RANBP3L: variants seen among roughly 807,000 people sequenced by gnomAD.
RANBP3L encodes the protein RAN binding protein 3 like.
In RANBP3L, 56 loss-of-function variants were observed where a neutral mutation model predicts 67.2. The ratio of observed to expected loss-of-function variants is 0.83; its 90% CI spans 0.67 to 1.04. The LOEUF is 1.04. Ranked by LOEUF, RANBP3L falls within the 50% of genes least tolerant of loss-of-function variation. RANBP3L has a pLI of 0.00. For missense variants in RANBP3L, 496 were observed against 535.5 expected (o/e 0.93, Z 0.73); for synonymous variants, 164 against 181.4 (o/e 0.90, Z 0.77).
chr5:36,250,146 A>T (rs532921082), intron 13 of RANBP3L, among the ~76,000 whole-genome samples: 1 of 152,110 alleles, frequency 6.6e-6, no homozygotes, highest in South Asian at 2.1e-4. Context: ...TTAGTGAGAG[A>T]ATTTGCTATT....
chr5:36,268,764 G>C (rs7715317), intron 4 of RANBP3L, among the ~76,000 whole-genome samples: 144,146 of 151,746 alleles, frequency 0.95, 68,788 homozygotes, highest in Non-Finnish European at 0.99. Flanking sequence ...CCTGGAGTGC[G>C]GTGGAGCAAT....
intron 4 of RANBP3L, among the ~76,000 whole-genome samples, 161 bp from the exon 5 acceptor site, chr5:36,265,681 T>C (rs1749716889): frequency 6.6e-6 from 1 of 151,930 alleles, no homozygotes; most frequent in Non-Finnish European, 1.5e-5. Context: ...CTGCGAAAAA[T>C]GGGATTGCCA....
chr5:36,292,507 T>A (rs1751867941), intron 1 of RANBP3L, among the ~76,000 whole-genome samples: 1 of 152,188 alleles, frequency 6.6e-6, no homozygotes, highest in Admixed American at 6.5e-5. Flanking sequence ...ATGTCTAGGT[T>A]TTCTCCTAGG....
intron 1 of RANBP3L, among the ~76,000 whole-genome samples, chr5:36,286,633 G>T (rs2112061389): frequency 6.6e-6 from 1 of 152,268 alleles, no homozygotes; most frequent in African/African-American, 2.4e-5. Flanking sequence ...GTTTTAATAA[G>T]CTATCCAGGT....
chr5:36,277,866 G>A (rs919008193), intron 1 of RANBP3L, among the ~76,000 whole-genome samples: 2 of 152,094 alleles, frequency 1.3e-5, no homozygotes, highest in African/African-American at 4.8e-5. Flanking sequence ...TGGCTGAGGA[G>A]GCCTCACAAT....
At chr5:36,294,742 A>G (rs1464515736) in intron 1 of RANBP3L, among the ~76,000 whole-genome samples, 1 of 150,160 alleles carries the variant, frequency 6.7e-6, no homozygotes, top group Non-Finnish European at 1.5e-5. Context: ...GGTTTTATAT[A>G]TATATATATG....
chr5:36,267,507 CA>C (rs1326176266), intron 4 of RANBP3L, among the ~76,000 whole-genome samples: 26 of 149,648 alleles, frequency 1.7e-4, no homozygotes, highest in East Asian at 4.0e-4. Context: ...GACTCCGTCT[CA>C]AAAAAAAAAA....
chr5:36,301,427 G>A lies in RANBP3L; in HGVS notation c.-11C>T. On this transcript the variant is annotated 5_prime_UTR_variant, in exon 1 of 14. Transcript: ENST00000296604. ...TGGTATGGTAGTCATGGTCCTAGCA[G>A]TATGGCTGTGACTCAAGGATCACTA... is the stretch of plus-strand genomic sequence containing the variant. 1 of 1,609,592 alleles carries A rather than the reference G, an allele frequency of 6.2e-7. No individual in the cohort carries two copies. The highest frequency in any genetic ancestry group is 8.5e-7 in the Non-Finnish European group (1 of 1,177,078).
intron 11 of RANBP3L, 59 bp downstream of exon 11, chr5:36,255,411 A>G (rs982010801): frequency 1.2e-5 from 18 of 1,533,746 alleles, no homozygotes; most frequent in Non-Finnish European, 1.6e-5. Flanking sequence ...CTATATTATT[A>G]TAAGTACACA....
At chr5:36,273,505 G>A (rs538084877) in intron 1 of RANBP3L, among the ~76,000 whole-genome samples, 8 of 152,192 alleles carry the variant, frequency 5.3e-5, no homozygotes, top group African/African-American at 1.2e-4. Context: ...TAGTGGCAGC[G>A]GAGCCACCTT....
At chr5:36,277,138 T>C (rs1750628854) in intron 1 of RANBP3L, among the ~76,000 whole-genome samples, 1 of 152,210 alleles carries the variant, frequency 6.6e-6, no homozygotes, top group Non-Finnish European at 1.5e-5. Context: ...ACTTGAACTG[T>C]AGCCCTGGCA....
chr5:36,265,220 T>C (rs1260946115), intron 5 of RANBP3L, 122 bp from the exon 6 acceptor site: 2 of 715,560 alleles, frequency 2.8e-6, no homozygotes, highest in Non-Finnish European at 4.3e-6. Flanking sequence ...TAGCGTTAAT[T>C]AATCCAAGTC....
At position 36,269,361 on chromosome 5, in the gene RANBP3L, G is replaced by A. The variant is rs766500397; in HGVS notation, c.268+29C>T. ...TTGCATTCAGAATAAACATAACAGTGAATAGTCAACAGTCAAGGCTATACA... is the reference window on the plus strand; with the variant it reads ...TTGCATTCAGAATAAACATAACAGTAAATAGTCAACAGTCAAGGCTATACA... On this transcript the variant is annotated intron_variant, in intron 4 of 13. Coordinates refer to ENST00000296604, the MANE Select transcript of RANBP3L (RefSeq NM_145000.5). 6 of 1,259,080 alleles carry A rather than the reference G, an allele frequency of 4.8e-6. No homozygotes were observed. The East Asian group carries it at 1.4e-4, about 29-fold the overall frequency. The allele number at this position is 1,259,080 out of a possible 1,614,324, so 78.0% of individuals were successfully genotyped here. A position where few individuals can be genotyped will look rare whatever the true frequency, so the allele number is the denominator to read the frequency against.
At chr5:36,277,743 C>G (rs575125251) in intron 1 of RANBP3L, among the ~76,000 whole-genome samples, 2 of 152,178 alleles carry the variant, frequency 1.3e-5, no homozygotes, top group South Asian at 4.1e-4. Context: ...GCTCTGCTGT[C>G]CTGTGTGATA....
chr5:36,281,167 G>A (rs1182106532), intron 1 of RANBP3L, among the ~76,000 whole-genome samples: 1 of 152,126 alleles, frequency 6.6e-6, no homozygotes, highest in South Asian at 2.1e-4. Flanking sequence ...GTGAGCTGGG[G>A]CATGTCATTT....
At chr5:36,268,304 T>C in intron 4 of RANBP3L, 2 of 1,422,546 alleles carry the variant, frequency 1.4e-6, no homozygotes, top group Non-Finnish European at 1.9e-6. Context: ...AGTAAGAAAG[T>C]GGGTTTTTTG....
chr5:36,277,458 GTGTGTGTGTGT>G (rs1416022062), intron 1 of RANBP3L, among the ~76,000 whole-genome samples: 1 of 149,198 alleles, frequency 6.7e-6, no homozygotes, highest in Non-Finnish European at 1.5e-5. Context: ...GTGTGTGTGT[GTGTGTGTGTGT>G]GTGTGTGTGT....
At chr5:36,286,211 G>A (rs565695045) in intron 1 of RANBP3L, among the ~76,000 whole-genome samples, 1 of 152,006 alleles carries the variant, frequency 6.6e-6, no homozygotes, top group South Asian at 2.1e-4. Flanking sequence ...GAGGTTGAGA[G>A]GAGTAGCTTA....
intron 1 of RANBP3L, among the ~76,000 whole-genome samples, chr5:36,275,497 A>C (rs576347174): frequency 6.6e-6 from 1 of 152,332 alleles, no homozygotes; most frequent in South Asian, 2.1e-4. Context: ...GCACTATGCT[A>C]AGGAAAAATC....
Sources: gnomAD v4.1 joint callset for allele counts (sites outside exome capture counted in the v4.1 genomes callset) on GRCh38, gnomAD v4.1.1 for gene constraint, MANE v1.5 for transcripts, NCBI Gene and HGNC (gene_info 2026-07-23, HGNC 2026-07-21) for gene names.